The following LPA variants were observed in gnomAD, a reference collection of about 807,000 sequenced individuals.
The protein encoded by LPA is lipoprotein(a).
LPA carries 199 observed loss-of-function variants against 197.9 expected under a neutral mutation model. That is an observed-to-expected ratio of 1.01 (90% CI 0.90 to 1.13). The LOEUF is 1.13. Ranked by LOEUF, LPA falls within the 50% of genes most tolerant of loss-of-function variation. The pLI, the probability that LPA is intolerant of heterozygous loss-of-function variation, is 0.00. For missense variants in LPA, 1,853 were observed against 1,785.8 expected (o/e 1.04, Z -0.68); for synonymous variants, 715 against 639.5 (o/e 1.12, Z -1.78).
rs367633810 is a variant in LPA, at chr6:160,589,868, C to T, written c.3788-156G>A. On this transcript the variant is annotated intron_variant, in intron 23 of 38. Transcript: ENST00000316300. The stretch of plus-strand genomic sequence containing the variant: ...AGATGGACATGCCAATAACAAAGCT[C>T]AAAGATTCATAGCATTCTGGAACTT... 8.5e-5 allele frequency among the ~76,000 whole-genome samples: 13 copies of T among 152,336 alleles called. No individual in the cohort carries two copies. In the South Asian group the frequency reaches 2.7e-3, roughly 32 times the overall value.
In LPA at chr6:160,605,080, A is replaced by G. The variant is rs1371261644; in HGVS notation, c.2911T>C (p.Ser971Pro). The change falls in exon 18 of 39, where the codon TCG becomes CCG. Residue 971 changes from serine (S) to proline (P), a missense_variant. By Grantham distance (74) the Ser-to-Pro change is moderately conservative. This residue lies in a region of LPA where 1,737 missense variants were observed against 1,504.4 expected (regional missense o/e 1.15). Coordinates refer to ENST00000316300, the MANE Select transcript of LPA (RefSeq NM_005577.4). Reference sequence around the variant, plus strand: ...TAGTATGCTGGGGTCCGACTATGCGAGTGTGGTGTCATAGATGACCAAGCT... The same window carrying G: ...TAGTATGCTGGGGTCCGACTATGCGGGTGTGGTGTCATAGATGACCAAGCT... ...CQAWSSMTPH[S>P]HSRTPAYYPN... 2 of 1,613,876 alleles carry G rather than the reference A, an allele frequency of 1.2e-6. No homozygotes were observed. The highest frequency in any genetic ancestry group is 2.2e-5 in the South Asian group (2 of 91,082).
At chr6:160,539,980 A>C in intron 36 of LPA, 63 bp downstream of exon 36, 1 of 1,613,468 alleles carries the variant, frequency 6.2e-7, no homozygotes. Flanking sequence ...ATGGCCCATA[A>C]AACCCAGACA....
intron 20 of LPA, among the ~76,000 whole-genome samples, chr6:160,597,089 G>A (rs1419237677): frequency 6.6e-6 from 1 of 152,144 alleles, no homozygotes. Flanking sequence ...CTTGCTGGAA[G>A]GTCATGTGTA....
chr6:160,594,508 C>T (rs1246928427), intron 21 of LPA, among the ~76,000 whole-genome samples: 1 of 152,144 alleles, frequency 6.6e-6, no homozygotes, highest in African/African-American at 2.4e-5. Flanking sequence ...GACATGAAAC[C>T]GTCACACATT....
chr6:160,586,666 T>G lies in LPA; in HGVS notation c.3948-36A>C, dbSNP rs772373168. 120 of 1,613,032 alleles carry G rather than the reference T, an allele frequency of 7.4e-5. No individual in the cohort carries two copies. In the South Asian group the frequency reaches 1.3e-3, roughly 17 times the overall value. ...CAAAACAATACAGGTCACCAGAGAT[T>G]GGAGAAGATACAGCACCACCTGGCA... is the stretch of plus-strand genomic sequence containing the variant. On this transcript the variant is annotated intron_variant, in intron 24 of 38. Transcript: ENST00000316300.
Position 160,654,061 on chromosome 6 carries a change from T to TATA in LPA, c.50-3567_50-3565dup, listed in dbSNP as rs1562355003. On this transcript the variant is annotated intron_variant, in intron 1 of 38. Coordinates refer to ENST00000316300, the MANE Select transcript of LPA (RefSeq NM_005577.4). ...TATATATAATATATAATATATTATA[T>TATA]ATATTATATATAATATATATTATAT... 2.8e-3 allele frequency among the ~76,000 whole-genome samples: 36 copies of TATA among 12,632 alleles called. 3 individuals are homozygous for TATA. Among genetic ancestry groups the TATA allele is most frequent in the African/African-American group, 8.3e-3 (34 of 4,108 alleles). 8.3% of individuals were successfully genotyped at this position (12,632 alleles called of 152,430 possible). A position where few individuals can be genotyped will look rare whatever the true frequency, so the allele number is the denominator to read the frequency against.
chr6:160,663,845 G>A (rs983329143), intron 1 of LPA, among the ~76,000 whole-genome samples: 3 of 152,186 alleles, frequency 2.0e-5, no homozygotes, highest in South Asian at 2.1e-4. Context: ...AGAACCAAGC[G>A]AAGAGCTTAG....
In LPA at chr6:160,542,737, A is replaced by AC. The variant is rs752960449; in HGVS notation, c.5469dup (p.Cys1824ValfsTer72). On this transcript the variant is annotated frameshift_variant, in exon 34 of 39. Transcript: ENST00000316300. LOFTEE classifies it high-confidence loss of function. ...GGCCAGGAATGTGGGTGGGCCACAC[A>AC]CCCCCCTACAATGCTTCCAGGACAT... 6.6e-5 allele frequency: 107 copies of AC among 1,613,674 alleles called. 2 individuals carry two copies. In the South Asian group the frequency reaches 1.1e-3, roughly 17 times the overall value.
rs868248275 is a variant in LPA at position 160,606,508 on chromosome 6, C to T, written c.2754G>A (p.Pro918=). Residue 918 remains proline (P), a synonymous_variant, in exon 17 of 39, where the codon CCG becomes CCA. Transcript: ENST00000316300. Reference sequence around the variant, plus strand: ...CAGAAGGAGCCTCTAGGCTTGGAATCGGGGTAATAGTTGGAGGCGCGACGG... The same window carrying T: ...CAGAAGGAGCCTCTAGGCTTGGAATTGGGGTAATAGTTGGAGGCGCGACGG... ...GTAVAPPTIT[P]IPSLEAPSEQ... The T allele has an allele frequency of 6.8e-6, 11 of 1,613,412 alleles. No homozygotes were observed. The highest frequency in any genetic ancestry group is 5.3e-5 in the African/African-American group (4 of 74,874).
rs765700553 is a variant in LPA at position 160,531,779 on chromosome 6, G to A, written c.6073C>T (p.Arg2025Cys). 1.9e-5 allele frequency: 31 copies of A among 1,613,902 alleles called. No individual in the cohort carries two copies. In the African/African-American group the frequency reaches 3.1e-4, roughly 16 times the overall value. The part of the protein sequence containing the change: ...ARPNKPGVYA[R>C]VSRFVTWIEG... ...ATCCAAGTAACAAACCTTGAAACAC[G>A]AGCATAGACACCAGGCTTATTGGGG... Residue 2025 changes from arginine (R) to cysteine (C), a missense_variant, in exon 39 of 39, where the codon CGT becomes TGT. Arg to Cys is a radical substitution (Grantham distance 180). This residue lies in a region of LPA where 1,737 missense variants were observed against 1,504.4 expected (regional missense o/e 1.15). Transcript: ENST00000316300.
At chr6:160,590,092 C>G (rs1234614687) in intron 23 of LPA, among the ~76,000 whole-genome samples, 5 of 152,140 alleles carry the variant, frequency 3.3e-5, no homozygotes, top group Non-Finnish European at 4.4e-5. Flanking sequence ...TGGGGGCAGA[C>G]ATGAAACCGT....
chr6:160,571,526 T>C (rs1452798974), intron 28 of LPA, among the ~76,000 whole-genome samples: 1 of 152,180 alleles, frequency 6.6e-6, no homozygotes, highest in Non-Finnish European at 1.5e-5. Context: ...GTTTTATCTA[T>C]AAGCTTCTGA....
Position 160,542,725 on chromosome 6 carries a change from G to C in LPA, c.5482C>G (p.Pro1828Ala), listed in dbSNP as rs767184549. Residue 1828 changes from proline to alanine, a missense_variant, in exon 34 of 39, where the codon CCA (proline) becomes GCA (alanine). Pro to Ala is a conservative substitution (Grantham distance 27). Around this residue, in one of 3 missense-constraint regions of LPA, gnomAD observed 1,737 missense variants for 1,504.4 expected, o/e 1.15. Coordinates refer to ENST00000316300, the MANE Select transcript of LPA (RefSeq NM_005577.4). ...CTGACTTGCCAGGGCCAGGAATGTG[G>C]GTGGGCCACACACCCCCCTACAATG... ...GSIVGGCVAHPHSWPWQVSLR... is the reference protein window; with the variant it reads ...GSIVGGCVAHAHSWPWQVSLR... 3 of 1,613,880 alleles carry C rather than the reference G, an allele frequency of 1.9e-6. No individual in the cohort carries two copies. The highest frequency in any genetic ancestry group is 1.7e-5 in the Admixed American group (1 of 59,994).
intron 19 of LPA, 123 bp from the exon 20 acceptor site, chr6:160,599,782 A>C: frequency 9.7e-7 from 1 of 1,033,180 alleles, no homozygotes; most frequent in Middle Eastern, 2.5e-4. Context: ...ATTCTTTATT[A>C]ATAGGCAAAT....
intron 26 of LPA, 83 bp downstream of exon 26, chr6:160,584,963 A>C: frequency 2.1e-6 from 3 of 1,434,224 alleles, no homozygotes. Context: ...ATTTGGACCT[A>C]GGAAGTGAGC....
intron 16 of LPA, among the ~76,000 whole-genome samples, chr6:160,611,150 G>C (rs185536918): frequency 6.6e-6 from 1 of 152,074 alleles, no homozygotes; most frequent in Non-Finnish European, 1.5e-5. Flanking sequence ...CCATAAGTAA[G>C]CACATAAACT....
chr6:160,654,036 T>TAA lies in LPA; in HGVS notation c.50-3540_50-3539insTT, dbSNP rs1562354865. ...ATTATATATAATATATAATATATAT[T>TAA]ATATATAATATATAATATATTATAT... On this transcript the variant is annotated intron_variant, in intron 1 of 38. Coordinates refer to ENST00000316300, the MANE Select transcript of LPA (RefSeq NM_005577.4). Among the ~76,000 whole-genome samples, 10 of 10,772 alleles carry TAA rather than the reference T, an allele frequency of 9.3e-4. 2 individuals carry two copies. The East Asian group carries it at 0.023, about 24-fold the overall frequency. 7.1% of individuals were successfully genotyped at this position (10,772 alleles called of 152,430 possible).
chr6:160,653,949 AT>A lies in LPA; in HGVS notation c.50-3453del, dbSNP rs1163242607. On this transcript the variant is annotated intron_variant, in intron 1 of 38. Coordinates refer to ENST00000316300, the MANE Select transcript of LPA (RefSeq NM_005577.4). ...TAGGATATATATATATTTTATATAT[AT>A]TATATATAATATATATTATATATAA... is the stretch of plus-strand genomic sequence containing the variant. Among the ~76,000 whole-genome samples the A allele has an allele frequency of 1.1e-3, 47 of 43,146 alleles. 2 individuals are homozygous for A. The highest frequency in any genetic ancestry group is 8.6e-4 in the Admixed American group (2 of 2,330). 28.3% of individuals were successfully genotyped at this position (43,146 alleles called of 152,430 possible).
chr6:160,598,366 C>T (rs1779172216), intron 20 of LPA, among the ~76,000 whole-genome samples: 1 of 152,170 alleles, frequency 6.6e-6, no homozygotes, highest in Non-Finnish European at 1.5e-5. Context: ...CCTGAGTAAT[C>T]CCAAAGTCCA....
Sources: allele counts gnomAD v4.1 joint callset (sites outside exome capture counted in the v4.1 genomes callset), GRCh38; gene constraint gnomAD v4.1.1; regional missense constraint gnomAD v4.1.1; transcripts MANE v1.5; gene names NCBI Gene and HGNC (gene_info 2026-07-23, HGNC 2026-07-21).